Variants in NUP54 observed in about 807,000 individuals in gnomAD.
NUP54 encodes the protein nucleoporin p54.
A neutral mutation model predicts 66.4 loss-of-function variants in NUP54; 27 were observed. That is an observed-to-expected ratio of 0.41 (90% CI 0.30 to 0.56). The LOEUF is 0.56. NUP54 is among the 20% of genes least tolerant of loss of function. The pLI is 0.34. For missense variants in NUP54, 486 were observed against 596.3 expected (o/e 0.82, Z 1.93); for synonymous variants, 206 against 210.7 (o/e 0.98, Z 0.19).
chr4:76,133,073 T>G (rs1730883704), intron 5 of NUP54, among the ~76,000 whole-genome samples: 1 of 150,638 alleles, frequency 6.6e-6, no homozygotes, highest in South Asian at 2.1e-4. Flanking sequence ...TATTTTTAAA[T>G]TTTTTTGAGA....
In NUP54 at chr4:76,132,630, T is replaced by C; in HGVS notation, c.800A>G (p.Gln267Arg). The C allele has an allele frequency of 1.2e-6, 2 of 1,614,126 alleles. No homozygotes were observed. The highest frequency in any genetic ancestry group is 1.7e-6 in the Non-Finnish European group (2 of 1,179,988). ...PATTLYAHFE[Q>R]ANIKTQLQQL... ...CTGCAATTGTGTTTTTATATTGGCT[T>C]GTTCAAAATGGGCATATAGCGTTGT... Residue 267 changes from glutamine to arginine, a missense_variant, in exon 6 of 12, where the codon CAA (glutamine) becomes CGA (arginine). Gln to Arg is a conservative substitution (Grantham distance 43). This residue lies in a region of NUP54 where 217 missense variants were observed against 247.9 expected (regional missense o/e 0.88). Transcript: ENST00000264883.
At chr4:76,131,335 T>C in intron 6 of NUP54, 51 bp from the exon 7 acceptor site, 2 of 1,137,274 alleles carry the variant, frequency 1.8e-6, no homozygotes, top group Non-Finnish European at 2.6e-6. Flanking sequence ...ATTTTTATAA[T>C]ATGTGTATGA....
At chr4:76,131,373 T>C in intron 6 of NUP54, 89 bp from the exon 7 acceptor site, 3 of 694,988 alleles carry the variant, frequency 4.3e-6, no homozygotes, top group Non-Finnish European at 4.8e-6. Flanking sequence ...CAAGACCCTA[T>C]ACCTAGAAGC....
chr4:76,139,201 T>C (rs1016608837), intron 3 of NUP54, among the ~76,000 whole-genome samples: 7 of 152,166 alleles, frequency 4.6e-5, no homozygotes, highest in African/African-American at 1.7e-4. Context: ...AGATAACTGA[T>C]TGAGGCAATG....
chr4:76,140,908 T>C (rs1731241751), intron 3 of NUP54, among the ~76,000 whole-genome samples: 1 of 152,032 alleles, frequency 6.6e-6, no homozygotes, highest in Admixed American at 6.6e-5. Context: ...GATATAGAAA[T>C]GGAAGGCCAT....
intron 4 of NUP54, among the ~76,000 whole-genome samples, chr4:76,135,556 C>T (rs916020800): frequency 1.3e-5 from 2 of 152,206 alleles, no homozygotes; most frequent in South Asian, 2.1e-4. Context: ...AGCCTTACAG[C>T]TCCAAACACA....
intron 8 of NUP54, among the ~76,000 whole-genome samples, chr4:76,129,155 A>G (rs56923677): frequency 0.13 from 20,021 of 152,216 alleles, 1,544 homozygotes; most frequent in East Asian, 0.35. Flanking sequence ...ATTACACACT[A>G]TATCCATGTA....
At chr4:76,117,304 T>C (rs1389100891) in intron 11 of NUP54, among the ~76,000 whole-genome samples, 1 of 152,210 alleles carries the variant, frequency 6.6e-6, no homozygotes, top group Non-Finnish European at 1.5e-5. Flanking sequence ...ATATACTACA[T>C]TTTGTTTCTC....
chr4:76,139,861 CT>C (rs1731189984), intron 3 of NUP54, among the ~76,000 whole-genome samples: 1 of 152,092 alleles, frequency 6.6e-6, no homozygotes, highest in African/African-American at 2.4e-5. Context: ...CACATCACTT[CT>C]TTTTTTCTTT....
chr4:76,119,856 A>G (rs1161005983), intron 9 of NUP54, among the ~76,000 whole-genome samples: 1 of 152,014 alleles, frequency 6.6e-6, no homozygotes, highest in African/African-American at 2.4e-5. Context: ...TCATAAACAC[A>G]CACATAGACC....
intron 9 of NUP54, 38 bp downstream of exon 9, chr4:76,124,611 G>T (rs780310008): frequency 1.1e-6 from 1 of 871,442 alleles, no homozygotes; most frequent in Non-Finnish European, 1.9e-6. Context: ...CACACACATA[G>T]TCTTATAAAC....
chr4:76,142,333 C>T (rs1731299132), intron 3 of NUP54, among the ~76,000 whole-genome samples: 1 of 152,108 alleles, frequency 6.6e-6, no homozygotes. Flanking sequence ...TATCTTCATC[C>T]TACTGTTAGG....
chr4:76,139,636 T>C (rs1005504212), intron 3 of NUP54, among the ~76,000 whole-genome samples: 12 of 152,130 alleles, frequency 7.9e-5, no homozygotes, highest in Non-Finnish European at 1.3e-4. Flanking sequence ...TTGAGACAAA[T>C]AGGGAACTCT....
At chr4:76,143,973 C>T (rs1731375142) in intron 3 of NUP54, among the ~76,000 whole-genome samples, 176 bp downstream of exon 3, 1 of 152,152 alleles carries the variant, frequency 6.6e-6, no homozygotes, top group Non-Finnish European at 1.5e-5. Context: ...CTAACTGTGC[C>T]AATCAGTGTT....
chr4:76,141,432 T>G (rs1221905887), intron 3 of NUP54, among the ~76,000 whole-genome samples: 1 of 152,206 alleles, frequency 6.6e-6, no homozygotes, highest in Non-Finnish European at 1.5e-5. Flanking sequence ...AAACTCATTA[T>G]CTACCCACAA....
Position 76,136,307 on chromosome 4 carries a change from C to A in NUP54, c.401G>T (p.Arg134Ile). 6.2e-7 allele frequency: 1 copy of A among 1,614,150 alleles called. No homozygotes were observed. Among genetic ancestry groups the A allele is most frequent in the Non-Finnish European group, 8.5e-7 (1 of 1,179,988 alleles). The change falls in exon 4 of 12, where the codon AGA becomes ATA. Residue 134 changes from arginine to isoleucine, a missense_variant. Physicochemically the swap from Arg to Ile is moderately conservative, Grantham distance 97 (BLOSUM62 -3). Coordinates refer to ENST00000264883, the MANE Select transcript of NUP54 (RefSeq NM_017426.4). The part of the protein sequence containing the change: ...LSAPTLLGDE[R>I]DAILAKWNQL... The stretch of plus-strand genomic sequence containing the variant: ...ATTCCATTTTGCCAAAATAGCATCT[C>A]TCTCATCTCCCAACAGCGTTGGAGC...
chr4:76,134,844 AATTATT>A (rs960625329), intron 4 of NUP54, among the ~76,000 whole-genome samples: 2 of 152,046 alleles, frequency 1.3e-5, no homozygotes, highest in Non-Finnish European at 2.9e-5. Flanking sequence ...TTTATTATAA[AATTATT>A]ATTATTATAA....
Position 76,144,187 on chromosome 4 carries a change from C to A in NUP54, c.257G>T (p.Gly86Val). 1 of 1,614,048 alleles carries A rather than the reference C, an allele frequency of 6.2e-7. No homozygotes were observed. Among genetic ancestry groups the A allele is most frequent in the Non-Finnish European group, 8.5e-7 (1 of 1,179,964 alleles). The change falls in exon 3 of 12, where the codon GGA (glycine) becomes GTA (valine). Residue 86 changes from glycine (G) to valine (V), a missense_variant. Transcript: ENST00000264883. ...GLGTGLGTGL[G>V]FGGFNTQQQQ... The stretch of plus-strand genomic sequence containing the variant: ...CTGCTGTGTATTAAATCCTCCAAAT[C>A]CCAGTCCAGTTCCCAAACCAGTACC...
Position 76,118,017 on chromosome 4 carries a change from T to G in NUP54, c.1284+58A>C, listed in dbSNP as rs1730030682. The G allele has an allele frequency of 4.5e-6, 7 of 1,562,550 alleles. No individual in the cohort carries two copies. The Middle Eastern group carries it at 6.8e-4, about 151-fold the overall frequency. On this transcript the variant is annotated intron_variant, in intron 10 of 11. Transcript: ENST00000264883. ...ATTCCTGCTTGAAGATTACATAACT[T>G]TTTGTCTGCAGATCCACCTGAAACA... is the stretch of plus-strand genomic sequence containing the variant.
Sources: gnomAD v4.1 joint callset for allele counts (sites outside exome capture counted in the v4.1 genomes callset) on GRCh38, gnomAD v4.1.1 for gene constraint, gnomAD v4.1.1 regional missense constraint, MANE v1.5 for transcripts, NCBI Gene and HGNC (gene_info 2026-07-23, HGNC 2026-07-21) for gene names.